IQCH: variants seen among roughly 807,000 people sequenced by gnomAD.
IQCH encodes IQ motif containing H, also known as IQ domain-containing protein H.
Under a neutral mutation model 117.0 loss-of-function variants are expected in IQCH, and 98 were observed. That is an observed-to-expected ratio of 0.84 (90% CI 0.71 to 0.99). The LOEUF is 0.99. IQCH is among the 50% of genes least tolerant of loss of function. The probability of loss-of-function intolerance (pLI) is 0.00; values close to 1 mark genes in which losing one functional copy is unlikely to be tolerated. For synonymous variants in IQCH, 412 were observed against 448.2 expected, an observed-to-expected ratio of 0.92 and a Z score of 1.02; for missense variants, 1,102 against 1,243.8, an observed-to-expected ratio of 0.89 and a Z score of 1.72.
chr15:67,403,084 C>T lies in IQCH; in HGVS notation c.2097+2779C>T, dbSNP rs1338988038. Among the ~76,000 whole-genome samples, 1 of 152,038 alleles carries T rather than the reference C, an allele frequency of 6.6e-6. No individual in the cohort carries two copies. Among genetic ancestry groups the T allele is most frequent in the South Asian group, 2.1e-4 (1 of 4,828 alleles). On this transcript the variant is annotated intron_variant, in intron 14 of 20. Transcript: ENST00000335894. This position sits in a 1 kb window ranked among gnomAD's most constrained non-coding sequence, Gnocchi z 4.8. Reference sequence around the variant, plus strand: ...CCAACATAGTGAAACCTCGTCTCTACTAAAAATACAAAAAAATTAGTCGGG... The same window carrying T: ...CCAACATAGTGAAACCTCGTCTCTATTAAAAATACAAAAAAATTAGTCGGG...
At position 67,430,161 on chromosome 15, in the gene IQCH, TG is replaced by T. The variant is rs1217675230; in HGVS notation, c.2505+8586del. On this transcript the variant is annotated intron_variant, in intron 16 of 20. Transcript: ENST00000335894. The surrounding 1 kb of genome is among the most constrained non-coding windows in gnomAD (Gnocchi z 5.1). ...ACACAGAGCTACAAGGCAGCCATGT[TG>T]GAGATCTGGCCTTCCCACATAAGGA... 6.6e-6 allele frequency among the ~76,000 whole-genome samples: 1 copy of T among 152,116 alleles called. No individual in the cohort carries two copies. The highest frequency in any genetic ancestry group is 1.5e-5 in the Non-Finnish European group (1 of 68,036).
In IQCH at chr15:67,436,710, G is replaced by A. The variant is rs1050987974; in HGVS notation, c.2505+15133G>A. ...GAAAGAGACTCGGGGCTGTTGTGGAGAGGCATGGTGGGAGTGAGACCGGCC... is the reference window on the plus strand; with the variant it reads ...GAAAGAGACTCGGGGCTGTTGTGGAAAGGCATGGTGGGAGTGAGACCGGCC... On this transcript the variant is annotated intron_variant, in intron 16 of 20. Transcript: ENST00000335894. This position sits in a 1 kb window ranked among gnomAD's most constrained non-coding sequence, Gnocchi z 5.1. Among the ~76,000 whole-genome samples, 1 of 152,166 alleles carries A rather than the reference G, an allele frequency of 6.6e-6. No individual in the cohort carries two copies. The highest frequency in any genetic ancestry group is 1.5e-5 in the Non-Finnish European group (1 of 68,024).
intron 4 of IQCH, among the ~76,000 whole-genome samples, chr15:67,290,590 G>A (rs2140501232): frequency 6.6e-6 from 1 of 152,166 alleles, no homozygotes; most frequent in African/African-American, 2.4e-5. Flanking sequence ...GCTGATTTCA[G>A]AAATGTTAAA....
chr15:67,456,768 AG>A lies in IQCH; in HGVS notation c.2506-8358del, dbSNP rs1159117135. Among the ~76,000 whole-genome samples the A allele has an allele frequency of 6.6e-6, 1 of 152,106 alleles. No homozygotes were observed. The highest frequency in any genetic ancestry group is 1.5e-5 in the Non-Finnish European group (1 of 68,020). ...TTTTGGATTTTTTTCAGAATCCAAA[AG>A]TTTTGAAGGCCTTTGAAAATCACGG... On this transcript the variant is annotated intron_variant, in intron 16 of 20. Coordinates refer to ENST00000335894, the MANE Select transcript of IQCH (RefSeq NM_001031715.3). The surrounding 1 kb of genome is among the most constrained non-coding windows in gnomAD (Gnocchi z 5.1).
rs368554899 is a variant in IQCH, at chr15:67,395,582, T to C, written c.1905+19T>C. 108 of 1,608,336 alleles carry C rather than the reference T, an allele frequency of 6.7e-5. No individual in the cohort carries two copies. Among genetic ancestry groups the C allele is most frequent in the Non-Finnish European group, 8.2e-5 (96 of 1,175,998 alleles). On this transcript the variant is annotated intron_variant, in intron 13 of 20. Coordinates refer to ENST00000335894, the MANE Select transcript of IQCH (RefSeq NM_001031715.3). The surrounding 1 kb of genome is among the most constrained non-coding windows in gnomAD (Gnocchi z 4.0). Reference sequence around the variant, plus strand: ...GCAACAGGTATGTGGGGTGGACAAGTGAAGCTCTGTTCAAATATTTGAAAC... The same window carrying C: ...GCAACAGGTATGTGGGGTGGACAAGCGAAGCTCTGTTCAAATATTTGAAAC...
chr15:67,466,037 T>TC lies in IQCH; in HGVS notation c.2676+741dup, dbSNP rs1441945159. Reference sequence around the variant, plus strand: ...GATTTTGAATGGACTCCTGTGATCTTCAGGAAAATCCCATTTCCCAGCTTG... The same window carrying TC: ...GATTTTGAATGGACTCCTGTGATCTTCCAGGAAAATCCCATTTCCCAGCTTG... On this transcript the variant is annotated intron_variant, in intron 17 of 20. Coordinates refer to ENST00000335894, the MANE Select transcript of IQCH (RefSeq NM_001031715.3). The surrounding 1 kb of genome is among the most constrained non-coding windows in gnomAD (Gnocchi z 4.4). 1.3e-5 allele frequency among the ~76,000 whole-genome samples: 2 copies of TC among 152,242 alleles called. No homozygotes were observed. Among genetic ancestry groups the TC allele is most frequent in the African/African-American group, 4.8e-5 (2 of 41,464 alleles).
intron 5 of IQCH, among the ~76,000 whole-genome samples, chr15:67,343,485 A>G (rs1435811910): frequency 2.0e-5 from 3 of 152,228 alleles, no homozygotes; most frequent in African/African-American, 7.2e-5. Context: ...CACAGTATGA[A>G]TGCTAGGAAT....
intron 4 of IQCH, among the ~76,000 whole-genome samples, chr15:67,333,483 T>A (rs1307178452): frequency 1.6e-4 from 24 of 152,194 alleles, no homozygotes; most frequent in Non-Finnish European, 3.1e-4. Context: ...ATAAGTCCTA[T>A]TTTTTATACA....
At chr15:67,280,450 C>T (rs750421227) in intron 4 of IQCH, among the ~76,000 whole-genome samples, 19 of 152,180 alleles carry the variant, frequency 1.2e-4, no homozygotes, top group Admixed American at 2.0e-4. Flanking sequence ...GTCAAGGTGC[C>T]GGCAGATCCG....
chr15:67,257,346 G>A lies in IQCH; in HGVS notation c.51+2399G>A, dbSNP rs148695605. Among the ~76,000 whole-genome samples the A allele has an allele frequency of 1.9e-3, 283 of 152,300 alleles. 2 individuals carry two copies. The highest frequency in any genetic ancestry group is 6.6e-3 in the African/African-American group (275 of 41,548). On this transcript the variant is annotated intron_variant, in intron 1 of 20. Transcript: ENST00000335894. ...TCAGTGACTGAGTGAGTGTGTGTGT[G>A]CAATAGACTGTAAAGCAGAGGTACT...
chr15:67,419,517 A>G (rs1366007657), intron 15 of IQCH, among the ~76,000 whole-genome samples: 1 of 152,064 alleles, frequency 6.6e-6, no homozygotes, highest in South Asian at 2.1e-4. Flanking sequence ...TGATTTCTAA[A>G]TTGTCATAGG....
At position 67,266,130 on chromosome 15, in the gene IQCH, ATTAT is replaced by A. The variant is rs563299504; in HGVS notation, c.269+2919_269+2922del. Among the ~76,000 whole-genome samples, 6 of 150,614 alleles carry A rather than the reference ATTAT, an allele frequency of 4.0e-5. 1 individual carries two copies. In the South Asian group the frequency reaches 1.2e-3, roughly 31 times the overall value. ...GGCATATATTCATAATATGTGTATAATTATTTATAAATTATATATTTTTATTATA... is the reference window on the plus strand; with the variant it reads ...GGCATATATTCATAATATGTGTATAATTATAAATTATATATTTTTATTATA... On this transcript the variant is annotated intron_variant, in intron 3 of 20. Transcript: ENST00000335894.
chr15:67,499,100 T>C (rs2083905551), intron 20 of IQCH, among the ~76,000 whole-genome samples: 1 of 151,976 alleles, frequency 6.6e-6, no homozygotes, highest in Admixed American at 6.6e-5. Flanking sequence ...AGTTTGAGAC[T>C]AGCCCAGGAA....
Position 67,426,050 on chromosome 15 carries a change from T to C in IQCH, c.2505+4473T>C, listed in dbSNP as rs896892912. The stretch of plus-strand genomic sequence containing the variant: ...TCCTCATCATTCTTTGAGCATGTCT[T>C]ACTTTCTGACACAATAAGATGTTCC... On this transcript the variant is annotated intron_variant, in intron 16 of 20. Transcript: ENST00000335894. This position sits in a 1 kb window ranked among gnomAD's most constrained non-coding sequence, Gnocchi z 5.1. 6.6e-6 allele frequency among the ~76,000 whole-genome samples: 1 copy of C among 152,208 alleles called. No individual in the cohort carries two copies. Among genetic ancestry groups the C allele is most frequent in the African/African-American group, 2.4e-5 (1 of 41,450 alleles).
At chr15:67,442,204 A>T (rs1376973442) in intron 16 of IQCH, among the ~76,000 whole-genome samples, 1 of 152,068 alleles carries the variant, frequency 6.6e-6, no homozygotes, top group Non-Finnish European at 1.5e-5. Context: ...TGAGGTCAGG[A>T]GTTGGAGACC....
intron 4 of IQCH, among the ~76,000 whole-genome samples, chr15:67,319,170 T>G (rs1340222548): frequency 9.2e-5 from 14 of 152,090 alleles, no homozygotes; most frequent in Admixed American, 9.2e-4. Flanking sequence ...GAGCTTGCAG[T>G]GAGCCGAGAT....
chr15:67,461,919 A>C (rs916136453), intron 16 of IQCH, among the ~76,000 whole-genome samples: 31 of 152,276 alleles, frequency 2.0e-4, no homozygotes, highest in African/African-American at 7.5e-4. Flanking sequence ...CCTTCTAAGA[A>C]TCTGCTCTGA....
In IQCH at chr15:67,395,333, A is replaced by C; in HGVS notation, c.1675A>C (p.Lys559Gln). 1 of 1,614,026 alleles carries C rather than the reference A, an allele frequency of 6.2e-7. No individual in the cohort carries two copies. The highest frequency in any genetic ancestry group is 8.5e-7 in the Non-Finnish European group (1 of 1,179,928). Residue 559 changes from lysine (K) to glutamine (Q), a missense_variant, in exon 13 of 21, where the codon AAG (lysine) becomes CAG (glutamine). Physicochemically the swap from Lys to Gln is moderately conservative, Grantham distance 53 (BLOSUM62 1). This residue lies in a region of IQCH where 650 missense variants were observed against 794.3 expected (regional missense o/e 0.82). Transcript: ENST00000335894. This position sits in a 1 kb window ranked among gnomAD's most constrained non-coding sequence, Gnocchi z 4.0. The stretch of plus-strand genomic sequence containing the variant: ...GGCCACTCACCTGATGTACAGTCCC[A>C]AGGCAATCAAAAGAATAAAAAATCT... Reference protein sequence around the residue: ...CLATHLMYSPKAIKRIKNLIR... With the variant: ...CLATHLMYSPQAIKRIKNLIR...
In IQCH at chr15:67,395,273, A is replaced by T; in HGVS notation, c.1633-18A>T. The T allele has an allele frequency of 6.2e-7, 1 of 1,604,966 alleles. No individual in the cohort carries two copies. The stretch of plus-strand genomic sequence containing the variant: ...AAAAAGGACACCTTTTAACAAGAAT[A>T]ATATGATCTTCCCCCAGAAGCATCA... On this transcript the variant is annotated intron_variant, in intron 12 of 20. Transcript: ENST00000335894. The surrounding 1 kb of genome is among the most constrained non-coding windows in gnomAD (Gnocchi z 4.0).
Sources: gnomAD v4.1 joint callset for allele counts (sites outside exome capture counted in the v4.1 genomes callset) on GRCh38, gnomAD v4.1.1 for gene constraint, gnomAD v4.1.1 regional missense constraint, Gnocchi (gnomAD v3.1) non-coding constraint, MANE v1.5 for transcripts, NCBI Gene and HGNC (gene_info 2026-07-23, HGNC 2026-07-21) for gene names.